The following NREP variants were observed in gnomAD, a reference collection of about 807,000 sequenced individuals.
NREP encodes neuronal regeneration related protein.
Under a neutral mutation model 8.6 loss-of-function variants are expected in NREP, and 5 were observed. The observed-to-expected ratio is 0.58, with a 90% CI of 0.30 to 1.22. NREP has a LOEUF of 1.22. Among genes scored for constraint, NREP ranks in the 50% most tolerant of loss-of-function variants. The probability of loss-of-function intolerance (pLI) is 0.07; values close to 1 mark genes in which losing one functional copy is unlikely to be tolerated. For missense variants in NREP, 86 were observed against 82.5 expected, an observed-to-expected ratio of 1.04 and a Z score of -0.17; for synonymous variants, 27 against 28.0, an observed-to-expected ratio of 0.96 and a Z score of 0.11.
chr5:111,937,172 A>G (rs1301483603), intron 2 of NREP, among the ~76,000 whole-genome samples: 2 of 152,118 alleles, frequency 1.3e-5, no homozygotes, highest in Non-Finnish European at 2.9e-5. Flanking sequence ...TAACAGTTAA[A>G]CTTCAGTACA....
chr5:111,959,285 A>C (rs1166175456), intron 2 of NREP, among the ~76,000 whole-genome samples: 2 of 152,032 alleles, frequency 1.3e-5, no homozygotes, highest in Non-Finnish European at 2.9e-5. Flanking sequence ...ATGGTGATTG[A>C]AATCAGAATA....
intron 2 of NREP, among the ~76,000 whole-genome samples, chr5:111,887,876 A>T (rs181490965): frequency 1.7e-4 from 26 of 152,336 alleles, no homozygotes; most frequent in Admixed American, 1.7e-3. Context: ...CACCTAGTTG[A>T]CTGGCCTAGA....
At chr5:111,922,735 G>A (rs1250537809) in intron 2 of NREP, among the ~76,000 whole-genome samples, 2 of 152,188 alleles carry the variant, frequency 1.3e-5, no homozygotes, top group Non-Finnish European at 2.9e-5. Flanking sequence ...ACCTTACACT[G>A]GTTGGAGGCT....
chr5:111,778,782 G>A (rs1751422467), intron 2 of NREP, among the ~76,000 whole-genome samples: 1 of 152,058 alleles, frequency 6.6e-6, no homozygotes, highest in Non-Finnish European at 1.5e-5. Flanking sequence ...CTCCTATGAA[G>A]CCCCCTCAAA....
At chr5:111,885,012 T>C (rs570413474) in intron 2 of NREP, among the ~76,000 whole-genome samples, 8 of 152,190 alleles carry the variant, frequency 5.3e-5, no homozygotes, top group African/African-American at 1.9e-4. Context: ...GAGTATTCAA[T>C]TAGGAAAAGA....
intron 2 of NREP, among the ~76,000 whole-genome samples, chr5:111,972,488 C>G (rs1187037153): frequency 6.6e-6 from 1 of 152,148 alleles, no homozygotes; most frequent in Non-Finnish European, 1.5e-5. Context: ...TTGCAATGTC[C>G]ATTCATATGA....
At chr5:111,966,982 A>C (rs542622976) in intron 2 of NREP, among the ~76,000 whole-genome samples, 1 of 152,222 alleles carries the variant, frequency 6.6e-6, no homozygotes, top group Non-Finnish European at 1.5e-5. Context: ...ACAAAGAGAC[A>C]TCTGGCCCCC....
At chr5:111,861,924 T>C (rs1283834031) in intron 2 of NREP, among the ~76,000 whole-genome samples, 1 of 147,758 alleles carries the variant, frequency 6.8e-6, no homozygotes, top group Non-Finnish European at 1.5e-5. Flanking sequence ...AAGTAAAAAA[T>C]GAAATGAAAT....
intron 1 of NREP, chr5:111,976,684 T>C: frequency 6.5e-6 from 10 of 1,542,974 alleles, no homozygotes; most frequent in Non-Finnish European, 8.8e-6. Context: ...CTCATATGCA[T>C]ACACAGTAAG....
chr5:111,824,081 T>G (rs1752567963), intron 2 of NREP, among the ~76,000 whole-genome samples: 1 of 152,092 alleles, frequency 6.6e-6, no homozygotes, highest in African/African-American at 2.4e-5. Flanking sequence ...GGGAAAGAAA[T>G]ATGTTTTAGC....
chr5:111,800,378 A>C (rs1031751799), intron 2 of NREP, among the ~76,000 whole-genome samples: 1 of 152,238 alleles, frequency 6.6e-6, no homozygotes, highest in Admixed American at 6.5e-5. Context: ...AGAATCACTG[A>C]CAGGGCCAGC....
At chr5:111,903,437 T>C (rs549119812) in intron 2 of NREP, among the ~76,000 whole-genome samples, 39 of 152,220 alleles carry the variant, frequency 2.6e-4, no homozygotes, top group African/African-American at 9.4e-4. Flanking sequence ...GAAGAAAGAA[T>C]TAAACCGTTG....
chr5:111,932,446 G>C (rs1394860289), intron 2 of NREP, among the ~76,000 whole-genome samples: 2 of 152,108 alleles, frequency 1.3e-5, no homozygotes, highest in African/African-American at 4.8e-5. Flanking sequence ...CAGCATCTAA[G>C]TTTAGACTTA....
At chr5:111,756,121 A>C (rs2112852799) in intron 1 of NREP, 1 of 1,095,782 alleles carries the variant, frequency 9.1e-7, no homozygotes, top group South Asian at 3.3e-5. Context: ...ACTTAAAAGT[A>C]GAACCAAGTG....
chr5:111,794,619 G>T (rs1363198975), intron 2 of NREP, among the ~76,000 whole-genome samples: 1 of 152,158 alleles, frequency 6.6e-6, no homozygotes, highest in African/African-American at 2.4e-5. Context: ...ACATTCTGGA[G>T]AAGGCAAAAC....
chr5:111,746,611 A>G (rs1299715932), intron 2 of NREP, among the ~76,000 whole-genome samples: 1 of 152,214 alleles, frequency 6.6e-6, no homozygotes, highest in Admixed American at 6.5e-5. Flanking sequence ...TTTACTAAGT[A>G]CATTCTGCAG....
At chr5:111,960,279 C>T (rs946874814) in intron 2 of NREP, among the ~76,000 whole-genome samples, 3 of 152,142 alleles carry the variant, frequency 2.0e-5, no homozygotes, top group Admixed American at 2.0e-4. Flanking sequence ...TGACTCACTA[C>T]TTTATTCCAT....
At chr5:111,944,153 TTC>T (rs1755911352) in intron 2 of NREP, among the ~76,000 whole-genome samples, 1 of 152,098 alleles carries the variant, frequency 6.6e-6, no homozygotes, top group Non-Finnish European at 1.5e-5. Flanking sequence ...CTACATGACA[TTC>T]TCTTTTATTG....
chr5:111,748,612 G>A (rs879672111), intron 2 of NREP, among the ~76,000 whole-genome samples: 3 of 152,144 alleles, frequency 2.0e-5, no homozygotes, highest in Non-Finnish European at 4.4e-5. Flanking sequence ...GAAGGTTAGA[G>A]TTTCCTTTCA....
Sources: allele counts gnomAD v4.1 joint callset (sites outside exome capture counted in the v4.1 genomes callset), GRCh38; gene constraint gnomAD v4.1.1; transcripts MANE v1.5; gene names NCBI Gene and HGNC (gene_info 2026-07-23, HGNC 2026-07-21).